The following NDFIP2 variants were observed in gnomAD, a reference collection of about 807,000 sequenced individuals.
NDFIP2 encodes the protein NEDD4 family-interacting protein 2.
Under a neutral mutation model 36.0 loss-of-function variants are expected in NDFIP2, and 19 were observed. The observed-to-expected ratio is 0.53, with a 90% CI of 0.37 to 0.77. NDFIP2 has a LOEUF of 0.77. Among genes scored for constraint, NDFIP2 ranks in the 30% least tolerant of loss-of-function variants. NDFIP2 has a pLI of 0.00. For synonymous variants in NDFIP2, 181 were observed against 167.7 expected (o/e 1.08, Z -0.61); for missense variants, 446 against 435.8 (o/e 1.02, Z -0.21).
intron 1 of NDFIP2, among the ~76,000 whole-genome samples, chr13:79,520,116 T>C (rs1433335209): frequency 6.6e-6 from 1 of 152,198 alleles, no homozygotes; most frequent in Non-Finnish European, 1.5e-5. Context: ...TTAATAATTT[T>C]TTTTGTACTT....
rs144153579 is a variant in NDFIP2, at chr13:79,508,550, A to G, written c.322-12260A>G. On this transcript the variant is annotated intron_variant, in intron 1 of 7. Transcript: ENST00000218652. The stretch of plus-strand genomic sequence containing the variant: ...GGTAACTTCCTGACGTTGCCATGGC[A>G]TTTGTAAACTGTCAAGATGCTTGCT... Among the ~76,000 whole-genome samples the G allele has an allele frequency of 4.1e-3, 630 of 152,288 alleles. 16 individuals are homozygous for G. Among genetic ancestry groups the G allele is most frequent in the Admixed American group, 0.033 (506 of 15,294 alleles).
At chr13:79,499,220 A>G (rs1873562371) in intron 1 of NDFIP2, among the ~76,000 whole-genome samples, 1 of 151,954 alleles carries the variant, frequency 6.6e-6, no homozygotes, top group Non-Finnish European at 1.5e-5. Context: ...AATGCTGAGC[A>G]ATCTAGTGAT....
At chr13:79,505,983 G>A (rs954980154) in intron 1 of NDFIP2, among the ~76,000 whole-genome samples, 5 of 152,126 alleles carry the variant, frequency 3.3e-5, no homozygotes, top group African/African-American at 1.2e-4. Context: ...ATTATCAGAG[G>A]TTTTTGAATG....
chr13:79,509,692 G>T (rs543226661), intron 1 of NDFIP2, among the ~76,000 whole-genome samples: 11,523 of 144,246 alleles, frequency 0.08, 492 homozygotes, highest in African/African-American at 0.13. Flanking sequence ...TATATATATA[G>T]AGAGAGAGAG....
At chr13:79,498,071 A>C (rs925108768) in intron 1 of NDFIP2, among the ~76,000 whole-genome samples, 3 of 151,842 alleles carry the variant, frequency 2.0e-5, no homozygotes, top group Non-Finnish European at 2.9e-5. Context: ...CAGCATTACA[A>C]ATACTCATAA....
At position 79,481,214 on chromosome 13, in the gene NDFIP2, G is replaced by A. The variant is rs535539840; in HGVS notation, c.11G>A (p.Arg4Gln). MARRRSQRVCASGP... is the reference protein window; with the variant it reads MARQRSQRVCASGP... The stretch of plus-strand genomic sequence containing the variant: ...CCACTGGCGGCGCGGATGGCACGCC[G>A]GCGGAGCCAGCGAGTCTGCGCGAGC... Residue 4 changes from arginine to glutamine, a missense_variant, in exon 1 of 8, where the codon CGG (arginine) becomes CAG (glutamine). Arg to Gln is a conservative substitution (Grantham distance 43, BLOSUM62 1). Transcript: ENST00000218652. 10 of 1,508,264 alleles carry A rather than the reference G, an allele frequency of 6.6e-6. No individual in the cohort carries two copies. In the Admixed American group the frequency reaches 1.5e-4, roughly 23 times the overall value. The allele number at this position is 1,508,264 out of a possible 1,614,324, so 93.4% of individuals were successfully genotyped here. A position where few individuals can be genotyped will look rare whatever the true frequency, so the allele number is the denominator to read the frequency against.
At chr13:79,485,324 CTT>C (rs1287410880) in intron 1 of NDFIP2, among the ~76,000 whole-genome samples, 1 of 152,170 alleles carries the variant, frequency 6.6e-6, no homozygotes, top group Admixed American at 6.5e-5. Flanking sequence ...CCCTGTGTAA[CTT>C]ATTAGAAGAA....
intron 1 of NDFIP2, among the ~76,000 whole-genome samples, chr13:79,486,080 T>A (rs1872972305): frequency 6.6e-6 from 1 of 152,220 alleles, no homozygotes; most frequent in Non-Finnish European, 1.5e-5. Context: ...CTTTGTTTCA[T>A]GCACATATAG....
At chr13:79,503,031 G>T (rs935804250) in intron 1 of NDFIP2, among the ~76,000 whole-genome samples, 3 of 152,046 alleles carry the variant, frequency 2.0e-5, no homozygotes, top group African/African-American at 2.4e-5. Context: ...CTGTACAGTT[G>T]TCTGGCATTT....
chr13:79,483,312 A>G (rs1171500318), intron 1 of NDFIP2, among the ~76,000 whole-genome samples: 5 of 152,086 alleles, frequency 3.3e-5, no homozygotes. Context: ...AGAGTTACAC[A>G]ATTTACGTAG....
chr13:79,535,937 A>G (rs796503724), intron 3 of NDFIP2, among the ~76,000 whole-genome samples: 8 of 152,344 alleles, frequency 5.3e-5, no homozygotes, highest in African/African-American at 1.9e-4. Flanking sequence ...AAAAAGTCTC[A>G]TCAAATTAGC....
At chr13:79,516,108 G>A (rs758997720) in intron 1 of NDFIP2, among the ~76,000 whole-genome samples, 1 of 152,050 alleles carries the variant, frequency 6.6e-6, no homozygotes, top group Non-Finnish European at 1.5e-5. Flanking sequence ...TAAAGTGGAA[G>A]TATCTTGGGA....
In NDFIP2 at chr13:79,538,686, G is replaced by A. The variant is rs58322995; in HGVS notation, c.622-996G>A. 1.3e-4 allele frequency among the ~76,000 whole-genome samples: 20 copies of A among 152,206 alleles called. No individual in the cohort carries two copies. In the East Asian group the frequency reaches 3.3e-3, roughly 25 times the overall value. On this transcript the variant is annotated intron_variant, in intron 3 of 7. Coordinates refer to ENST00000218652, the MANE Select transcript of NDFIP2 (RefSeq NM_019080.3). The stretch of plus-strand genomic sequence containing the variant: ...CAGCTGCTACCTCCCGAGTTCAAGC[G>A]ATTCTCATGCCTCAGCCTCCTGAGT...
At chr13:79,483,046 TA>T (rs1443144797) in intron 1 of NDFIP2, among the ~76,000 whole-genome samples, 2 of 152,256 alleles carry the variant, frequency 1.3e-5, no homozygotes, top group Non-Finnish European at 2.9e-5. Flanking sequence ...CTCTCAGTTT[TA>T]AGATATTTGT....
intron 2 of NDFIP2, among the ~76,000 whole-genome samples, chr13:79,525,295 A>C (rs1874747679): frequency 1.3e-5 from 2 of 152,206 alleles, no homozygotes; most frequent in African/African-American, 4.8e-5. Context: ...AGCACTTATC[A>C]CACACTGTGG....
Position 79,551,768 on chromosome 13 carries a change from T to C in NDFIP2, c.*2+646T>C, listed in dbSNP as rs140766169. Among the ~76,000 whole-genome samples the C allele has an allele frequency of 2.9e-3, 432 of 151,542 alleles. 4 individuals are homozygous for C. The highest frequency in any genetic ancestry group is 0.01 in the African/African-American group (416 of 41,526). ...TTTCTGGAGGTCGTGGGTATAGTAA[T>C]AGTATTTATTTATTGTTCAGCGGGA... On this transcript the variant is annotated intron_variant, in intron 7 of 7. Coordinates refer to ENST00000218652, the MANE Select transcript of NDFIP2 (RefSeq NM_019080.3).
chr13:79,534,883 T>C (rs1244370407), intron 3 of NDFIP2, among the ~76,000 whole-genome samples: 3 of 152,184 alleles, frequency 2.0e-5, no homozygotes, highest in Non-Finnish European at 4.4e-5. Context: ...CTGCTCCTAC[T>C]ACCCTCTTCC....
intron 2 of NDFIP2, among the ~76,000 whole-genome samples, chr13:79,530,598 C>T (rs1005545126): frequency 2.0e-5 from 3 of 152,226 alleles, no homozygotes; most frequent in Admixed American, 1.3e-4. Flanking sequence ...GTCAGTTAAA[C>T]TTATGTAATC....
intron 1 of NDFIP2, among the ~76,000 whole-genome samples, chr13:79,511,395 A>C (rs1166596654): frequency 6.6e-6 from 1 of 152,198 alleles, no homozygotes; most frequent in African/African-American, 2.4e-5. Flanking sequence ...TGGCATTTAC[A>C]TTCTTCTTTG....
Sources: gnomAD v4.1 joint callset for allele counts (sites outside exome capture counted in the v4.1 genomes callset) on GRCh38, gnomAD v4.1.1 for gene constraint, MANE v1.5 for transcripts, NCBI Gene and HGNC (gene_info 2026-07-23, HGNC 2026-07-21) for gene names.